AHSG: variants seen among roughly 807,000 people sequenced by gnomAD.
The protein encoded by AHSG is alpha 2-HS glycoprotein, also known as alpha-2-HS-glycoprotein.
A neutral mutation model predicts 30.1 loss-of-function variants in AHSG; 23 were observed. That is an observed-to-expected ratio of 0.76 (90% CI 0.55 to 1.08). The LOEUF is 1.08. Ranked by LOEUF, AHSG falls within the 50% of genes least tolerant of loss-of-function variation. The pLI is 0.00. For missense variants in AHSG, 469 were observed against 459.5 expected (o/e 1.02, Z -0.19); for synonymous variants, 164 against 186.3 (o/e 0.88, Z 0.98).
At chr3:186,619,732 C>T in intron 5 of AHSG, 125 bp from the exon 6 acceptor site, 1 of 676,486 alleles carries the variant, frequency 1.5e-6, no homozygotes, top group Middle Eastern at 3.3e-4. Context: ...ATACCTCCCA[C>T]AAGCAGAAAC....
At chr3:186,616,372 G>C in intron 2 of AHSG, 71 bp from the exon 3 acceptor site, 13 of 1,248,240 alleles carry the variant, frequency 1.0e-5, no homozygotes, top group Non-Finnish European at 1.5e-5. Flanking sequence ...TTTGACAGCC[G>C]TGCCTGGAGG....
At chr3:186,613,498 A>C (rs938660947) in intron 1 of AHSG, 144 bp downstream of exon 1, 1 of 801,452 alleles carries the variant, frequency 1.2e-6, no homozygotes, top group African/African-American at 1.7e-5. Flanking sequence ...GGGAAGGGGC[A>C]GGCAGAGGGC....
At chr3:186,613,465 C>G in intron 1 of AHSG, 111 bp downstream of exon 1, 1 of 1,031,644 alleles carries the variant, frequency 9.7e-7, no homozygotes, top group Non-Finnish European at 1.4e-6. Context: ...GGAGTAAATT[C>G]TCTGATTTCT....
intron 1 of AHSG, among the ~76,000 whole-genome samples, chr3:186,614,437 G>A (rs1716234920): frequency 6.6e-6 from 1 of 152,160 alleles, no homozygotes; most frequent in African/African-American, 2.4e-5. Flanking sequence ...GGAAAATAAG[G>A]TCAACAACAG....
intron 3 of AHSG, 62 bp from the exon 4 acceptor site, chr3:186,617,125 C>G: frequency 1.3e-6 from 2 of 1,559,312 alleles, no homozygotes; most frequent in Admixed American, 3.7e-5. Flanking sequence ...GCTAACGCAG[C>G]AGAGCTGGGG....
intron 2 of AHSG, 39 bp downstream of exon 2, chr3:186,615,834 G>A (rs776281645): frequency 2.0e-5 from 32 of 1,563,004 alleles, no homozygotes; most frequent in Admixed American, 8.4e-5. Context: ...GTGGCCCTTC[G>A]GCCAGCTCCA....
chr3:186,620,304 G>C (rs923935548), intron 6 of AHSG, among the ~76,000 whole-genome samples: 9 of 152,258 alleles, frequency 5.9e-5, no homozygotes, highest in African/African-American at 2.2e-4. Flanking sequence ...TGCTGGGCAA[G>C]GGTGAGCCAT....
chr3:186,619,642 G>A (rs755915097), intron 5 of AHSG, among the ~76,000 whole-genome samples: 20 of 151,840 alleles, frequency 1.3e-4, no homozygotes, highest in Non-Finnish European at 2.6e-4. Flanking sequence ...TTCTTTCTAG[G>A]CCACCACCAG....
chr3:186,615,849 T>C, intron 2 of AHSG, 54 bp downstream of exon 2: 1 of 1,499,280 alleles, frequency 6.7e-7, no homozygotes, highest in East Asian at 2.3e-5. Flanking sequence ...GCTCCACCGA[T>C]TCACCCAGCG....
chr3:186,617,301 A>G lies in AHSG; in HGVS notation c.524A>G (p.Asn175Ser), dbSNP rs556158119. 6.2e-7 allele frequency: 1 copy of G among 1,614,240 alleles called. No homozygotes were observed. Among genetic ancestry groups the G allele is most frequent in the African/African-American group, 1.3e-5 (1 of 75,062 alleles). The change falls in exon 4 of 7, where the codon AAC (asparagine) becomes AGC (serine). Residue 175 changes from asparagine (N) to serine (S), a missense_variant. Transcript: ENST00000411641. ...KAALAAFNAQ[N>S]NGSNFQLEEI... The stretch of plus-strand genomic sequence containing the variant: ...GCCCTGGCCGCCTTCAACGCTCAGA[A>G]CAACGGCTCCAATTTTCAGCTGGAG...
chr3:186,619,761 G>A, intron 5 of AHSG, 96 bp from the exon 6 acceptor site: 1 of 900,036 alleles, frequency 1.1e-6, no homozygotes, highest in Admixed American at 2.5e-5. Flanking sequence ...TAAGAAAAAT[G>A]GTTTTTCAAA....
chr3:186,617,990 T>A (rs910030490), intron 4 of AHSG: 2 of 161,426 alleles, frequency 1.2e-5, no homozygotes, highest in African/African-American at 4.8e-5. Flanking sequence ...CACCCCAGAC[T>A]ACACCAAATA....
chr3:186,618,066 CCATACTTT>C (rs1716364139), intron 4 of AHSG: 1 of 159,038 alleles, frequency 6.3e-6, no homozygotes, highest in Non-Finnish European at 1.4e-5. Context: ...GTGATATCTT[CCATACTTT>C]CATCTAAATC....
chr3:186,616,395 G>A, intron 2 of AHSG, 48 bp from the exon 3 acceptor site: 1 of 1,509,422 alleles, frequency 6.6e-7, no homozygotes, highest in Non-Finnish European at 9.1e-7. Flanking sequence ...GCCTGCCCGG[G>A]GTGCGAAGGG....
rs1579014086 is a variant in AHSG at position 186,617,658 on chromosome 3, T to C, written c.573+308T>C. ...AAAACCAAAGCTCAGTGTCAGCTGG[T>C]AGAGTTGCCCACGTCGGCCAGAAGC... On this transcript the variant is annotated intron_variant, in intron 4 of 6. Transcript: ENST00000411641. 7 of 456,188 alleles carry C rather than the reference T, an allele frequency of 1.5e-5. No homozygotes were observed. In the East Asian group the frequency reaches 3.3e-4, roughly 21 times the overall value. The allele number at this position is 456,188 out of a possible 1,614,324, so 28.3% of individuals were successfully genotyped here.
chr3:186,619,468 T>C (rs1302093991), intron 5 of AHSG, among the ~76,000 whole-genome samples: 1 of 152,160 alleles, frequency 6.6e-6, no homozygotes, highest in Non-Finnish European at 1.5e-5. Context: ...GTGCAGACAC[T>C]AAAAATTGTG....
At chr3:186,613,936 T>C (rs890859458) in intron 1 of AHSG, among the ~76,000 whole-genome samples, 1 of 152,066 alleles carries the variant, frequency 6.6e-6, no homozygotes. Flanking sequence ...TTTGTCTTTT[T>C]TTTTTTGGTC....
At position 186,620,039 on chromosome 3, in the gene AHSG, G is replaced by A. The variant is rs1340185482; in HGVS notation, c.759+99G>A. 34 of 802,620 alleles carry A rather than the reference G, an allele frequency of 4.2e-5. No homozygotes were observed. The Middle Eastern group carries it at 5.4e-3, about 127-fold the overall frequency. 49.7% of individuals were successfully genotyped at this position (802,620 alleles called of 1,614,324 possible). ...GTGATGACAGGACATTTGCTCTCCTGTGCTTCTGAATCTCACAGTATGAAA... is the reference window on the plus strand; with the variant it reads ...GTGATGACAGGACATTTGCTCTCCTATGCTTCTGAATCTCACAGTATGAAA... On this transcript the variant is annotated intron_variant, in intron 6 of 6. Transcript: ENST00000411641.
At position 186,613,313 on chromosome 3, in the gene AHSG, C is replaced by A. The variant is rs1396153448; in HGVS notation, c.172C>A (p.His58Asn). The change falls in exon 1 of 7, where the codon CAC (histidine) becomes AAC (asparagine). Residue 58 changes from histidine to asparagine, a missense_variant. Coordinates refer to ENST00000411641, the MANE Select transcript of AHSG (RefSeq NM_001622.4). ...TCAAAACCTTCCTTGGGGATACAAA[C>A]ACACCTTGAACCAGATTGATGAAGT... ...INQNLPWGYK[H>N]TLNQIDEVKV... The A allele has an allele frequency of 3.7e-6, 6 of 1,614,034 alleles. No individual in the cohort carries two copies. The highest frequency in any genetic ancestry group is 5.1e-6 in the Non-Finnish European group (6 of 1,180,010).
Sources: gnomAD v4.1 joint callset for allele counts (sites outside exome capture counted in the v4.1 genomes callset) on GRCh38, gnomAD v4.1.1 for gene constraint, MANE v1.5 for transcripts, NCBI Gene and HGNC (gene_info 2026-07-23, HGNC 2026-07-21) for gene names.